Variants in HPSE2 observed in about 807,000 individuals in gnomAD.
The protein encoded by HPSE2 is heparanase 2 (inactive).
In HPSE2, 38 loss-of-function variants were observed where a neutral mutation model predicts 60.5. The observed-to-expected ratio is 0.63, with a 90% CI of 0.48 to 0.82. HPSE2 has a LOEUF of 0.82. Among genes scored for constraint, HPSE2 ranks in the 40% least tolerant of loss-of-function variants. The pLI is 0.00. For missense variants in HPSE2, 713 were observed against 740.4 expected, an observed-to-expected ratio of 0.96 and a Z score of 0.43; for synonymous variants, 295 against 293.2, an observed-to-expected ratio of 1.01 and a Z score of -0.06.
At chr10:99,256,663 A>G in the HPSE2 span, among the ~76,000 whole-genome samples, 2 of 152,142 alleles carry the variant, frequency 1.3e-5, no homozygotes, top group Non-Finnish European at 2.9e-5. Context: ...AGGAAAAGGT[A>G]AAACTATCTT....
intron 3 of HPSE2, among the ~76,000 whole-genome samples, chr10:99,142,894 GAATA>G (rs1197956176): frequency 6.6e-6 from 1 of 151,652 alleles, no homozygotes; most frequent in African/African-American, 2.4e-5. Context: ...AAAAATATTA[GAATA>G]AAGATGGAAT....
At chr10:99,310,843 G>C in the HPSE2 span, among the ~76,000 whole-genome samples, 16 of 152,122 alleles carry the variant, frequency 1.1e-4, no homozygotes, top group Admixed American at 2.6e-4. Flanking sequence ...TGGCCAGGCT[G>C]GTCTCAAACT....
intron 6 of HPSE2, among the ~76,000 whole-genome samples, chr10:98,665,962 A>G (rs1280318529): frequency 6.6e-6 from 1 of 152,230 alleles, no homozygotes; most frequent in Non-Finnish European, 1.5e-5. Context: ...AATGGTCTAA[A>G]TGCCCCACTT....
intron 11 of HPSE2, among the ~76,000 whole-genome samples, chr10:98,467,481 G>C (rs1940585862): frequency 6.6e-6 from 1 of 152,096 alleles, no homozygotes; most frequent in African/African-American, 2.4e-5. Context: ...GTTAAATGAT[G>C]AGAGAGAGGG....
At chr10:98,974,568 G>C (rs1184387657) in intron 3 of HPSE2, among the ~76,000 whole-genome samples, 2 of 152,066 alleles carry the variant, frequency 1.3e-5, no homozygotes, top group Admixed American at 6.6e-5. Context: ...ACCCGGCCTA[G>C]TTTTGCTTTT....
chr10:98,736,417 ACTAT>A (rs1387587028), intron 4 of HPSE2, among the ~76,000 whole-genome samples: 5 of 152,114 alleles, frequency 3.3e-5, no homozygotes, highest in South Asian at 4.1e-4. Flanking sequence ...GTTTTCTGTA[ACTAT>A]CTAACTGTGA....
chr10:98,462,607 A>G (rs907676077), intron 11 of HPSE2, among the ~76,000 whole-genome samples: 3 of 152,110 alleles, frequency 2.0e-5, no homozygotes, highest in African/African-American at 7.2e-5. Context: ...CTTGGCTCCC[A>G]TGATATTTCT....
At chr10:98,476,700 G>A (rs1365780971) in intron 11 of HPSE2, among the ~76,000 whole-genome samples, 1 of 151,968 alleles carries the variant, frequency 6.6e-6, no homozygotes, top group African/African-American at 2.4e-5. Context: ...TGAGATGGGA[G>A]AATAGCTTGA....
chr10:98,526,144 A>C (rs1482743114), intron 9 of HPSE2, among the ~76,000 whole-genome samples: 6 of 152,194 alleles, frequency 3.9e-5, no homozygotes, highest in African/African-American at 7.2e-5. Flanking sequence ...TGAAAATGGT[A>C]ATATATGCTA....
chr10:99,292,321 C>G, the HPSE2 span, among the ~76,000 whole-genome samples: 2 of 152,172 alleles, frequency 1.3e-5, no homozygotes, highest in Non-Finnish European at 2.9e-5. Context: ...TAAATATGTT[C>G]TGAATGTCTA....
intron 3 of HPSE2, among the ~76,000 whole-genome samples, chr10:99,072,439 T>C (rs1250987245): frequency 6.6e-6 from 1 of 151,892 alleles, no homozygotes; most frequent in Non-Finnish European, 1.5e-5. Flanking sequence ...ACAAGAAACT[T>C]AAACAAATTT....
chr10:98,529,046 C>T (rs1341213317), intron 9 of HPSE2, among the ~76,000 whole-genome samples: 1 of 152,210 alleles, frequency 6.6e-6, no homozygotes, highest in Non-Finnish European at 1.5e-5. Flanking sequence ...GGCAGGGTCA[C>T]CCTCCATTTT....
Position 98,744,040 on chromosome 10 carries a change from T to C in HPSE2, c.627A>G (p.Lys209=). The C allele has an allele frequency of 6.2e-7, 1 of 1,614,080 alleles. No homozygotes were observed. Among genetic ancestry groups the C allele is most frequent in the Non-Finnish European group, 8.5e-7 (1 of 1,179,990 alleles). The change falls in exon 4 of 12, where the codon AAA becomes AAG. Residue 209 remains lysine, a synonymous_variant. Transcript: ENST00000370552. ...CAGAGCAATCAGCAAAGTTATAAAG[T>C]TTGTCTAGAGACCTGGCTGGGAAGA... ...NLILTARSLD[K]LYNFADCSGL... is the part of the protein sequence containing the mutation.
At chr10:98,953,742 G>C (rs1213936372) in intron 3 of HPSE2, among the ~76,000 whole-genome samples, 1 of 152,132 alleles carries the variant, frequency 6.6e-6, no homozygotes, top group Non-Finnish European at 1.5e-5. Flanking sequence ...AGGGAAACTG[G>C]TTAAAAACAC....
At chr10:98,508,364 GT>G (rs746228260) in intron 9 of HPSE2, among the ~76,000 whole-genome samples, 2 of 152,200 alleles carry the variant, frequency 1.3e-5, no homozygotes, top group Non-Finnish European at 2.9e-5. Context: ...ACTGACAGAA[GT>G]TTACAGAATT....
intron 2 of HPSE2, among the ~76,000 whole-genome samples, chr10:99,180,056 A>T (rs1025373887): frequency 6.6e-6 from 1 of 152,242 alleles, no homozygotes; most frequent in Non-Finnish European, 1.5e-5. Context: ...CTGGCTAGCC[A>T]TATGCAGAAA....
At chr10:98,585,365 A>G (rs1056728588) in intron 9 of HPSE2, among the ~76,000 whole-genome samples, 6 of 149,432 alleles carry the variant, frequency 4.0e-5, no homozygotes, top group Non-Finnish European at 5.9e-5. Flanking sequence ...TCCACCTCCC[A>G]GGTTCAAGTG....
At chr10:98,872,945 A>T (rs1001367697) in intron 3 of HPSE2, among the ~76,000 whole-genome samples, 3 of 152,132 alleles carry the variant, frequency 2.0e-5, no homozygotes, top group Non-Finnish European at 2.9e-5. Context: ...AGCAAATTTC[A>T]GAATGTGGCT....
chr10:98,899,726 G>A (rs1441629766), intron 3 of HPSE2, among the ~76,000 whole-genome samples: 1 of 148,650 alleles, frequency 6.7e-6, no homozygotes, highest in Non-Finnish European at 1.5e-5. Flanking sequence ...ATGTAAAATG[G>A]TACCATCACT....
Sources: allele counts gnomAD v4.1 joint callset (sites outside exome capture counted in the v4.1 genomes callset), GRCh38; gene constraint gnomAD v4.1.1; transcripts MANE v1.5; gene names NCBI Gene and HGNC (gene_info 2026-07-23, HGNC 2026-07-21).